Variants in NR2C2 observed in about 807,000 individuals in gnomAD.
NR2C2 encodes nuclear receptor subfamily 2 group C member 2.
In NR2C2, 6 loss-of-function variants were observed where a neutral mutation model predicts 62.9. The ratio of observed to expected loss-of-function variants is 0.10; its 90% confidence interval spans 0.05 to 0.19. The LOEUF (loss-of-function observed/expected upper bound fraction) is 0.19. NR2C2 is among the 10% of genes least tolerant of loss of function. The pLI, the probability that NR2C2 is intolerant of heterozygous loss-of-function variation, is 1.00. For missense variants in NR2C2, 479 were observed against 762.7 expected (o/e 0.63, Z 4.38); for synonymous variants, 272 against 273.8 (o/e 0.99, Z 0.07).
chr3:14,977,195 G>A (rs1350832166), intron 1 of NR2C2, among the ~76,000 whole-genome samples: 1 of 152,106 alleles, frequency 6.6e-6, no homozygotes, highest in Non-Finnish European at 1.5e-5. Flanking sequence ...CTTTTAGTGA[G>A]ATTTCCTGAC....
chr3:14,956,836 G>A (rs952487950), intron 1 of NR2C2, among the ~76,000 whole-genome samples: 17 of 152,138 alleles, frequency 1.1e-4, no homozygotes, highest in Admixed American at 1.3e-4. Flanking sequence ...CCACCGCCCC[G>A]GCTGTGTGTG....
intron 2 of NR2C2, 143 bp from the exon 3 acceptor site, chr3:15,013,446 G>T (rs576429476): frequency 2.9e-6 from 2 of 680,148 alleles, no homozygotes; most frequent in East Asian, 2.7e-5. Context: ...ATTTTTCTCA[G>T]TTCACCGTGG....
At chr3:15,027,490 CATT>C (rs2041857411) in intron 7 of NR2C2, among the ~76,000 whole-genome samples, 1 of 152,182 alleles carries the variant, frequency 6.6e-6, no homozygotes, top group South Asian at 2.1e-4. Context: ...AGTGGTATGT[CATT>C]GTGATTTTGA....
At chr3:15,000,377 A>G (rs1474431858) in intron 1 of NR2C2, among the ~76,000 whole-genome samples, 1 of 152,228 alleles carries the variant, frequency 6.6e-6, no homozygotes, top group African/African-American at 2.4e-5. Flanking sequence ...ATAGTATTCC[A>G]TTGTGTGTAT....
chr3:15,022,751 CA>C (rs2041710461), intron 5 of NR2C2, among the ~76,000 whole-genome samples: 1 of 152,084 alleles, frequency 6.6e-6, no homozygotes, highest in Admixed American at 6.6e-5. Context: ...ACCAGCTGGG[CA>C]CGGTGGCTTA....
At chr3:15,016,379 A>T in intron 4 of NR2C2, 125 bp downstream of exon 4, 1 of 648,612 alleles carries the variant, frequency 1.5e-6, no homozygotes, top group Non-Finnish European at 2.7e-6. Flanking sequence ...TCACATGTGA[A>T]TTCTACTTTT....
At chr3:14,989,490 CCT>C (rs2040605530) in intron 1 of NR2C2, among the ~76,000 whole-genome samples, 1 of 152,068 alleles carries the variant, frequency 6.6e-6, no homozygotes, top group African/African-American at 2.4e-5. Flanking sequence ...CTTGTAAAGA[CCT>C]CCTATCTTTA....
At chr3:14,951,995 C>G (rs1010893602) in intron 1 of NR2C2, among the ~76,000 whole-genome samples, 4 of 152,202 alleles carry the variant, frequency 2.6e-5, no homozygotes, top group African/African-American at 9.6e-5. Flanking sequence ...ATCCGCCTGC[C>G]TCGGCCTCCC....
Position 15,003,873 on chromosome 3 carries a change from C to T in NR2C2, c.-39-3C>T, listed in dbSNP as rs766385199. The T allele has an allele frequency of 3.1e-6, 5 of 1,597,820 alleles. No individual in the cohort carries two copies. The highest frequency in any genetic ancestry group is 4.3e-6 in the Non-Finnish European group (5 of 1,165,260). On this transcript the variant is annotated splice_region_variant and splice_polypyrimidine_tract_variant and intron_variant, in intron 1 of 13. Coordinates refer to ENST00000425241, the MANE Select transcript of NR2C2 (RefSeq NM_001291694.2). ...TGTGATCCAGCCCACTTCTCACCCACAGGTAACACGTACACAGACCTCTCG... is the reference window on the plus strand; with the variant it reads ...TGTGATCCAGCCCACTTCTCACCCATAGGTAACACGTACACAGACCTCTCG...
chr3:15,006,074 A>G (rs2041165563), intron 2 of NR2C2, among the ~76,000 whole-genome samples: 2 of 152,022 alleles, frequency 1.3e-5, no homozygotes, highest in Non-Finnish European at 1.5e-5. Context: ...AGACATGGTG[A>G]TGCATTCCTG....
intron 1 of NR2C2, among the ~76,000 whole-genome samples, chr3:14,987,249 G>GT (rs1286345829): frequency 6.6e-6 from 1 of 151,866 alleles, no homozygotes; most frequent in African/African-American, 2.4e-5. Context: ...CACCCAGCTG[G>GT]TTTTTTTATT....
At chr3:14,972,672 G>C (rs2040078326) in intron 1 of NR2C2, among the ~76,000 whole-genome samples, 1 of 152,158 alleles carries the variant, frequency 6.6e-6, no homozygotes, top group African/African-American at 2.4e-5. Flanking sequence ...ACCTGAGGCT[G>C]GGTAATTTAT....
chr3:15,002,537 T>C (rs1375848947), intron 1 of NR2C2, among the ~76,000 whole-genome samples: 1 of 152,092 alleles, frequency 6.6e-6, no homozygotes, highest in East Asian at 1.9e-4. Context: ...TAGTTTTCTT[T>C]TCCTGTGATG....
At chr3:15,003,282 T>A (rs2041074709) in intron 1 of NR2C2, among the ~76,000 whole-genome samples, 1 of 152,122 alleles carries the variant, frequency 6.6e-6, no homozygotes, top group African/African-American at 2.4e-5. Context: ...AAAATATATC[T>A]GCCTGCTTCA....
intron 1 of NR2C2, among the ~76,000 whole-genome samples, chr3:14,978,565 A>G (rs927525414): frequency 7.2e-5 from 11 of 152,144 alleles, no homozygotes; most frequent in Non-Finnish European, 1.2e-4. Flanking sequence ...CTGGAAACCT[A>G]TTCAGTTTTT....
Position 15,007,276 on chromosome 3 carries a change from C to T in NR2C2, c.72+3290C>T, listed in dbSNP as rs572475144. On this transcript the variant is annotated intron_variant, in intron 2 of 13. Coordinates refer to ENST00000425241, the MANE Select transcript of NR2C2 (RefSeq NM_001291694.2). ...CCGAGTAGCTGGGAATACAGGTGCT[C>T]GCCACCACACCTGGCTAAATTTTTA... Among the ~76,000 whole-genome samples the T allele has an allele frequency of 5.3e-5, 8 of 151,986 alleles. 1 individual carries two copies. In the South Asian group the frequency reaches 6.2e-4, roughly 12 times the overall value.
At chr3:15,019,061 TATAAAA>T (rs1313952172) in intron 4 of NR2C2, among the ~76,000 whole-genome samples, 1 of 144,898 alleles carries the variant, frequency 6.9e-6, no homozygotes, top group Non-Finnish European at 1.5e-5. Flanking sequence ...TATAAAATCT[TATAAAA>T]ATAAAAAAAT....
chr3:15,021,264 A>G lies in NR2C2; in HGVS notation c.556+332A>G, dbSNP rs531190755. On this transcript the variant is annotated intron_variant, in intron 5 of 13. Transcript: ENST00000425241. Reference sequence around the variant, plus strand: ...AGAGAGAGCTATGATGCCTGAGGATACACGTAGCCTCTCAGCCACAGGGTC... The same window carrying G: ...AGAGAGAGCTATGATGCCTGAGGATGCACGTAGCCTCTCAGCCACAGGGTC... Among the ~76,000 whole-genome samples, 33 of 152,302 alleles carry G rather than the reference A, an allele frequency of 2.2e-4. 4 individuals carry two copies. The highest frequency in any genetic ancestry group is 2.1e-3 in the South Asian group (10 of 4,826).
At chr3:14,987,390 T>A (rs1415159362) in intron 1 of NR2C2, among the ~76,000 whole-genome samples, 1 of 152,226 alleles carries the variant, frequency 6.6e-6, no homozygotes, top group African/African-American at 2.4e-5. Context: ...GCCAAGTTTT[T>A]CTTTTAAAAG....
Sources: allele counts gnomAD v4.1 joint callset (sites outside exome capture counted in the v4.1 genomes callset), GRCh38; gene constraint gnomAD v4.1.1; transcripts MANE v1.5; gene names NCBI Gene and HGNC (gene_info 2026-07-23, HGNC 2026-07-21).